Variants in RAB28 observed in about 807,000 individuals in gnomAD.
The protein encoded by RAB28 is ras-related protein Rab-28.
Under a neutral mutation model 31.7 loss-of-function variants are expected in RAB28, and 24 were observed. The observed-to-expected ratio is 0.76, with a 90% CI of 0.55 to 1.06. The LOEUF (loss-of-function observed/expected upper bound fraction) is 1.06, where lower values mean the gene tolerates loss of function less well. RAB28 is among the 50% of genes least tolerant of loss of function. The pLI is 0.00. For synonymous variants in RAB28, 100 were observed against 90.4 expected, an observed-to-expected ratio of 1.11 and a Z score of -0.60; for missense variants, 254 against 258.5, an observed-to-expected ratio of 0.98 and a Z score of 0.12.
intron 5 of RAB28, among the ~76,000 whole-genome samples, chr4:13,381,078 T>C (rs1035697228): frequency 2.6e-5 from 4 of 152,098 alleles, no homozygotes; most frequent in African/African-American, 7.2e-5. Context: ...CCCCATTACA[T>C]AATTTCTCTA....
At chr4:13,389,991 A>T (rs749899193) in intron 4 of RAB28, among the ~76,000 whole-genome samples, 1 of 152,226 alleles carries the variant, frequency 6.6e-6, no homozygotes, top group Non-Finnish European at 1.5e-5. Context: ...CCCTTTGAAA[A>T]CTGGCACAAG....
rs958482407 is a variant in RAB28 at position 13,371,834 on chromosome 4, T to C, written c.574-3184A>G. On this transcript the variant is annotated intron_variant, in intron 6 of 6. Coordinates refer to ENST00000330852, the MANE Select transcript of RAB28 (RefSeq NM_001017979.3). ...CCACAAAGCACACTCGATTATTCTC[T>C]ATTAGTTGATGAAATGAAAATAATG... The C allele has an allele frequency of 5.2e-6, 8 of 1,547,302 alleles. No individual in the cohort carries two copies. The East Asian group carries it at 9.8e-5, about 19-fold the overall frequency.
chr4:13,434,332 C>T (rs938158631), intron 4 of RAB28, among the ~76,000 whole-genome samples: 1 of 152,104 alleles, frequency 6.6e-6, no homozygotes, highest in African/African-American at 2.4e-5. Context: ...GTTGGGACAA[C>T]AAAAGGGCAT....
intron 3 of RAB28, among the ~76,000 whole-genome samples, chr4:13,472,043 C>G (rs1716145994): frequency 1.3e-5 from 2 of 152,178 alleles, no homozygotes; most frequent in Admixed American, 1.3e-4. Context: ...TTACTGTAGG[C>G]AGCTTTGTAA....
intron 4 of RAB28, among the ~76,000 whole-genome samples, chr4:13,409,364 T>C (rs761709777): frequency 2.6e-5 from 4 of 152,176 alleles, no homozygotes; most frequent in Non-Finnish European, 5.9e-5. Flanking sequence ...ACATTATATG[T>C]CTATAGCATA....
At chr4:13,479,932 A>C (rs546980780) in intron 1 of RAB28, among the ~76,000 whole-genome samples, 12 of 151,868 alleles carry the variant, frequency 7.9e-5, no homozygotes, top group African/African-American at 2.6e-4. Context: ...GTAGCTGAGC[A>C]CTAAGCTAAT....
intron 6 of RAB28, among the ~76,000 whole-genome samples, chr4:13,375,175 T>G: frequency 6.6e-6 from 1 of 152,146 alleles, no homozygotes; most frequent in East Asian, 1.9e-4. Flanking sequence ...AATTAATGGT[T>G]AGTGATCAAG....
intron 5 of RAB28, among the ~76,000 whole-genome samples, 188 bp downstream of exon 5, chr4:13,381,303 C>T (rs1186803079): frequency 2.0e-5 from 3 of 151,910 alleles, no homozygotes; most frequent in Non-Finnish European, 2.9e-5. Flanking sequence ...TTAAAAATAA[C>T]TAAAATTATG....
At chr4:13,452,746 G>A (rs764618956) in intron 4 of RAB28, among the ~76,000 whole-genome samples, 8 of 152,020 alleles carry the variant, frequency 5.3e-5, no homozygotes, top group Non-Finnish European at 1.0e-4. Flanking sequence ...TTATGTAGTT[G>A]TTGGGCAGGT....
chr4:13,412,820 G>A (rs1459672628), intron 4 of RAB28, among the ~76,000 whole-genome samples: 1 of 152,042 alleles, frequency 6.6e-6, no homozygotes, highest in Admixed American at 6.6e-5. Context: ...AAATAAGAAA[G>A]CAGAGATACA....
chr4:13,372,981 T>G (rs891648189), intron 6 of RAB28, among the ~76,000 whole-genome samples: 7 of 152,152 alleles, frequency 4.6e-5, no homozygotes, highest in Non-Finnish European at 8.8e-5. Flanking sequence ...GATAGAAATT[T>G]TTGGTATTTT....
intron 4 of RAB28, among the ~76,000 whole-genome samples, chr4:13,413,104 AT>A (rs1377544792): frequency 6.6e-6 from 1 of 152,186 alleles, no homozygotes; most frequent in African/African-American, 2.4e-5. Context: ...ACAGAAAAAA[AT>A]AATTTCACAA....
chr4:13,373,321 A>G (rs1382104929), intron 6 of RAB28, among the ~76,000 whole-genome samples: 1 of 152,202 alleles, frequency 6.6e-6, no homozygotes, highest in Non-Finnish European at 1.5e-5. Flanking sequence ...TGTTAACAAC[A>G]GTATCAATTC....
intron 4 of RAB28, among the ~76,000 whole-genome samples, chr4:13,456,541 C>A (rs373914369): frequency 6.6e-6 from 1 of 152,094 alleles, no homozygotes; most frequent in Non-Finnish European, 1.5e-5. Flanking sequence ...GGCATAAAAA[C>A]GTAAAGTAAC....
intron 4 of RAB28, among the ~76,000 whole-genome samples, chr4:13,388,800 A>T (rs185372105): frequency 6.6e-6 from 1 of 152,232 alleles, no homozygotes; most frequent in East Asian, 1.9e-4. Context: ...AATTTAAAAA[A>T]ACAAGGATGA....
At chr4:13,447,314 A>G (rs1013795495) in intron 4 of RAB28, among the ~76,000 whole-genome samples, 5 of 152,208 alleles carry the variant, frequency 3.3e-5, no homozygotes, top group Non-Finnish European at 7.3e-5. Context: ...AAAAGCCAAA[A>G]GCCCATACGA....
At chr4:13,433,532 C>T (rs1399257982) in intron 4 of RAB28, among the ~76,000 whole-genome samples, 2 of 152,060 alleles carry the variant, frequency 1.3e-5, no homozygotes, top group African/African-American at 4.8e-5. Context: ...AAAAGACAGA[C>T]AAGTAGCCAA....
At chr4:13,472,978 T>A (rs10016024) in intron 3 of RAB28, among the ~76,000 whole-genome samples, 151,166 of 152,098 alleles carry the variant, frequency 0.99, 75,130 homozygotes, top group Middle Eastern at 1. Flanking sequence ...TGCAGGAGAC[T>A]AAGAACAATG....
At chr4:13,395,415 AAACAT>A (rs1429723758) in intron 4 of RAB28, among the ~76,000 whole-genome samples, 1 of 152,090 alleles carries the variant, frequency 6.6e-6, no homozygotes, top group East Asian at 1.9e-4. Context: ...TGATTAGCCC[AAACAT>A]AACAAGCAAA....
Sources: gnomAD v4.1 joint callset for allele counts (sites outside exome capture counted in the v4.1 genomes callset) on GRCh38, gnomAD v4.1.1 for gene constraint, MANE v1.5 for transcripts, NCBI Gene and HGNC (gene_info 2026-07-23, HGNC 2026-07-21) for gene names.